The following FBXL17 variants were observed in gnomAD, a reference collection of about 807,000 sequenced individuals.
FBXL17 encodes F-box and leucine rich repeat protein 17.
FBXL17 carries 22 observed loss-of-function variants against 66.2 expected under a neutral mutation model. The observed-to-expected ratio is 0.33, with a 90% CI of 0.24 to 0.47. The LOEUF (loss-of-function observed/expected upper bound fraction) is 0.47, where lower values mean the gene tolerates loss of function less well. Among genes scored for constraint, FBXL17 ranks in the 20% least tolerant of loss-of-function variants. The pLI is 1.00. For missense variants in FBXL17, 878 were observed against 948.2 expected (o/e 0.93, Z 0.97); for synonymous variants, 474 against 400.5 (o/e 1.18, Z -2.19).
chr5:108,038,505 G>A (rs1393100654), intron 6 of FBXL17, among the ~76,000 whole-genome samples: 3 of 151,966 alleles, frequency 2.0e-5, no homozygotes, highest in African/African-American at 7.2e-5. Flanking sequence ...ATATTTATGT[G>A]TTTGAAACTT....
intron 5 of FBXL17, among the ~76,000 whole-genome samples, chr5:108,206,528 C>T (rs1754125963): frequency 6.6e-6 from 1 of 152,140 alleles, no homozygotes; most frequent in South Asian, 2.1e-4. Flanking sequence ...GTACTCCTTC[C>T]TTTTTGTTCC....
At chr5:108,202,990 A>C (rs115202088) in intron 5 of FBXL17, among the ~76,000 whole-genome samples, 3,773 of 152,222 alleles carry the variant, frequency 0.025, 151 homozygotes, top group African/African-American at 0.086. Context: ...TTATACAACA[A>C]AGAGTAAACA....
chr5:108,175,794 T>C (rs1752774050), intron 6 of FBXL17, among the ~76,000 whole-genome samples: 1 of 152,222 alleles, frequency 6.6e-6, no homozygotes, highest in African/African-American at 2.4e-5. Context: ...TGTGTGTACC[T>C]ATCTTCTAAA....
At chr5:108,006,108 T>C (rs889628393) in intron 7 of FBXL17, among the ~76,000 whole-genome samples, 2 of 152,244 alleles carry the variant, frequency 1.3e-5, no homozygotes, top group Non-Finnish European at 2.9e-5. Flanking sequence ...CTAAACTAAA[T>C]GGGAGGCGAG....
At chr5:107,976,170 T>TA (rs1752577062) in intron 7 of FBXL17, among the ~76,000 whole-genome samples, 1 of 152,194 alleles carries the variant, frequency 6.6e-6, no homozygotes, top group Non-Finnish European at 1.5e-5. Flanking sequence ...AAGTCTGTCT[T>TA]ATGTCTACTG....
At chr5:108,376,786 C>CTTTTTT in intron 1 of FBXL17, among the ~76,000 whole-genome samples, 1 of 110,028 alleles carries the variant, frequency 9.1e-6, no homozygotes, top group Non-Finnish European at 2.0e-5. Context: ...AGTGTATATT[C>CTTTTTT]TTTTTTTTTT....
At chr5:108,027,082 T>C (rs1326238678) in intron 6 of FBXL17, among the ~76,000 whole-genome samples, 4 of 152,120 alleles carry the variant, frequency 2.6e-5, no homozygotes, top group Non-Finnish European at 1.5e-5. Context: ...ACCAACAAAA[T>C]AATATTTTTC....
At chr5:108,018,172 T>G (rs1397824608) in intron 7 of FBXL17, among the ~76,000 whole-genome samples, 1 of 152,086 alleles carries the variant, frequency 6.6e-6, no homozygotes, top group African/African-American at 2.4e-5. Context: ...AGCAGAATCA[T>G]GGGGTAGTCT....
chr5:108,091,557 A>T (rs1749188665), intron 6 of FBXL17, among the ~76,000 whole-genome samples: 1 of 151,780 alleles, frequency 6.6e-6, no homozygotes, highest in South Asian at 2.1e-4. Context: ...TTTCTTTTTT[A>T]TTATTTGCTT....
At chr5:107,870,314 T>C (rs536974082) in intron 8 of FBXL17, among the ~76,000 whole-genome samples, 12 of 152,372 alleles carry the variant, frequency 7.9e-5, no homozygotes, top group African/African-American at 2.9e-4. Flanking sequence ...GTTGCTACTA[T>C]AGCTTATTAG....
At chr5:108,060,833 C>T (rs1747891309) in intron 6 of FBXL17, among the ~76,000 whole-genome samples, 1 of 152,046 alleles carries the variant, frequency 6.6e-6, no homozygotes, top group African/African-American at 2.4e-5. Flanking sequence ...CACACCACCA[C>T]CAAAAGGGAA....
intron 6 of FBXL17, among the ~76,000 whole-genome samples, chr5:108,171,499 ATAAT>A (rs1752604529): frequency 6.6e-6 from 1 of 152,230 alleles, no homozygotes; most frequent in African/African-American, 2.4e-5. Flanking sequence ...AGTTAATGTG[ATAAT>A]TAAATAACTT....
rs1385575115 is a variant in FBXL17 at position 108,320,021 on chromosome 5, A to T, written c.1506+28378T>A. 5.3e-5 allele frequency among the ~76,000 whole-genome samples: 8 copies of T among 151,874 alleles called. No homozygotes were observed. The East Asian group carries it at 1.5e-3, about 29-fold the overall frequency. Reference sequence around the variant, plus strand: ...TTAAACAAATCTATTCTCTTACCTCAAAAAACATTTTCTAAGATGATGAGG... The same window carrying T: ...TTAAACAAATCTATTCTCTTACCTCTAAAAACATTTTCTAAGATGATGAGG... On this transcript the variant is annotated intron_variant, in intron 4 of 8. Coordinates refer to ENST00000542267, the MANE Select transcript of FBXL17 (RefSeq NM_001163315.3).
At chr5:107,973,726 A>T (rs1201627214) in intron 7 of FBXL17, among the ~76,000 whole-genome samples, 1 of 151,994 alleles carries the variant, frequency 6.6e-6, no homozygotes, top group Non-Finnish European at 1.5e-5. Context: ...TAATTCCGTC[A>T]CCCAGGAAAT....
chr5:108,079,556 C>T lies in FBXL17; in HGVS notation c.1746-58555G>A, dbSNP rs535859032. Among the ~76,000 whole-genome samples, 6 of 152,156 alleles carry T rather than the reference C, an allele frequency of 3.9e-5. No homozygotes were observed. In the South Asian group the frequency reaches 1.0e-3, roughly 26 times the overall value. On this transcript the variant is annotated intron_variant, in intron 6 of 8. Transcript: ENST00000542267. ...ATATGTTTTAATCCTCTGTATTATA[C>T]AAGGACCAGAAGAAGTATTGGAGAA... is the stretch of plus-strand genomic sequence containing the variant.
chr5:108,322,808 C>A (rs1330392582), intron 4 of FBXL17, among the ~76,000 whole-genome samples: 1 of 151,858 alleles, frequency 6.6e-6, no homozygotes, highest in Non-Finnish European at 1.5e-5. Flanking sequence ...AAGGTCTGTA[C>A]AGTCACTGAA....
At chr5:108,080,928 T>A (rs539539428) in intron 6 of FBXL17, among the ~76,000 whole-genome samples, 3 of 152,162 alleles carry the variant, frequency 2.0e-5, no homozygotes, top group Non-Finnish European at 4.4e-5. Context: ...AGACTCTTAG[T>A]TAATCTCTCC....
At chr5:108,143,345 T>TCACACACACACACA (rs1491283043) in intron 6 of FBXL17, among the ~76,000 whole-genome samples, 19 of 129,188 alleles carry the variant, frequency 1.5e-4, no homozygotes, top group African/African-American at 5.2e-4. Flanking sequence ...AGAACAGCAT[T>TCACACACACACACA]CTCACACACA....
intron 4 of FBXL17, among the ~76,000 whole-genome samples, chr5:108,317,206 CA>C (rs1206104097): frequency 6.6e-6 from 1 of 151,322 alleles, no homozygotes; most frequent in African/African-American, 2.4e-5. Context: ...CCCCCAAAAT[CA>C]AACCCATATA....
Sources: allele counts gnomAD v4.1 joint callset (sites outside exome capture counted in the v4.1 genomes callset), GRCh38; gene constraint gnomAD v4.1.1; transcripts MANE v1.5; gene names NCBI Gene and HGNC (gene_info 2026-07-23, HGNC 2026-07-21).